The following PAPSS2 variants were observed in gnomAD, a reference collection of about 807,000 sequenced individuals.
PAPSS2 encodes bifunctional 3'-phosphoadenosine 5'-phosphosulfate synthase 2.
Under a neutral mutation model 66.5 loss-of-function variants are expected in PAPSS2, and 61 were observed. The observed-to-expected ratio is 0.92, with a 90% CI of 0.75 to 1.14. PAPSS2 has a LOEUF of 1.14. PAPSS2 is among the 50% of genes most tolerant of loss of function. PAPSS2 has a pLI of 0.00. For missense variants in PAPSS2, 708 were observed against 789.6 expected, an observed-to-expected ratio of 0.90 and a Z score of 1.24; for synonymous variants, 289 against 287.5, an observed-to-expected ratio of 1.01 and a Z score of -0.05.
At chr10:87,707,288 T>C (rs1853402959) in intron 1 of PAPSS2, among the ~76,000 whole-genome samples, 1 of 152,196 alleles carries the variant, frequency 6.6e-6, no homozygotes, top group Non-Finnish European at 1.5e-5. Flanking sequence ...AATTGGGCTT[T>C]CCTAATTTGA....
Position 87,659,931 on chromosome 10 carries a change from C to T in PAPSS2, c.-51C>T, listed in dbSNP as rs756184515. On this transcript the variant is annotated 5_prime_UTR_variant, in exon 1 of 13. Coordinates refer to ENST00000456849, the MANE Select transcript of PAPSS2 (RefSeq NM_001015880.2). ...GCCGCCGCCGCCGCCGCCGTCCCTG[C>T]GTCCTTCGGTCTCTGCTCCCGGGAC... is the stretch of plus-strand genomic sequence containing the variant. The T allele has an allele frequency of 6.2e-6, 10 of 1,601,264 alleles. No individual in the cohort carries two copies. The highest frequency in any genetic ancestry group is 1.1e-5 in the South Asian group (1 of 90,258).
At chr10:87,712,787 C>T (rs1853478570) in intron 2 of PAPSS2, among the ~76,000 whole-genome samples, 1 of 152,046 alleles carries the variant, frequency 6.6e-6, no homozygotes, top group Non-Finnish European at 1.5e-5. Flanking sequence ...ATCTTTAAAA[C>T]ACTCTGCAGC....
chr10:87,694,138 C>T (rs1271591389), intron 1 of PAPSS2, among the ~76,000 whole-genome samples: 2 of 152,174 alleles, frequency 1.3e-5, no homozygotes, highest in East Asian at 3.8e-4. Flanking sequence ...GAACTATAAT[C>T]CCACAATTTT....
At chr10:87,685,888 T>G (rs35628516) in intron 1 of PAPSS2, among the ~76,000 whole-genome samples, 1 of 151,852 alleles carries the variant, frequency 6.6e-6, no homozygotes, top group East Asian at 1.9e-4. Flanking sequence ...ATTCTGCGGT[T>G]CAAATTGTGG....
chr10:87,697,497 T>C (rs1046227298), intron 1 of PAPSS2, among the ~76,000 whole-genome samples: 5 of 151,796 alleles, frequency 3.3e-5, no homozygotes, highest in Admixed American at 6.6e-5. Context: ...GCTCTGGGAG[T>C]GAGGAGCTGT....
intron 1 of PAPSS2, among the ~76,000 whole-genome samples, chr10:87,692,821 C>T (rs1417648500): frequency 2.0e-5 from 3 of 152,238 alleles, no homozygotes; most frequent in African/African-American, 4.8e-5. Context: ...GAGGGTAGCC[C>T]GCGAGGTTGA....
At chr10:87,687,095 A>C (rs939688386) in intron 1 of PAPSS2, among the ~76,000 whole-genome samples, 1 of 152,212 alleles carries the variant, frequency 6.6e-6, no homozygotes, top group African/African-American at 2.4e-5. Context: ...TATTTTCAGC[A>C]CAATTTCAAC....
Position 87,713,312 on chromosome 10 carries a change from T to TAAAAAAAAAAAAAAAAAAAAAAGAAAAAA in PAPSS2, c.381+25_381+26insAAAAAAAAAAAAAAAAAAAAAAAAAAAAG, listed in dbSNP as rs1853488593. On this transcript the variant is annotated splice_region_variant and intron_variant, in intron 3 of 12. Transcript: ENST00000456849. ...AGCTTTATTTCTCCATTCGCAAAGG[T>TAAAAAAAAAAAAAAAAAAAAAAGAAAAAA]AAAAAAAAAAAAAAAAAAAAAAGGC... 2.5e-6 allele frequency: 1 copy of TAAAAAAAAAAAAAAAAAAAAAAGAAAAAA among 401,198 alleles called. No homozygotes were observed. Among genetic ancestry groups the TAAAAAAAAAAAAAAAAAAAAAAGAAAAAA allele is most frequent in the South Asian group, 3.8e-5 (1 of 26,130 alleles). The allele number at this position is 401,198 out of a possible 1,614,324, so 24.9% of individuals were successfully genotyped here.
rs1442413660 is a variant in PAPSS2, at chr10:87,741,334, C to A, written c.1186C>A (p.Leu396Met). 6.2e-7 allele frequency: 1 copy of A among 1,613,796 alleles called. No homozygotes were observed. Among genetic ancestry groups the A allele is most frequent in the South Asian group, 1.1e-5 (1 of 91,082 alleles). Residue 396 changes from leucine (L) to methionine (M), a missense_variant, in exon 10 of 13, where the codon CTG becomes ATG. Leu to Met is a conservative substitution (Grantham distance 15). Transcript: ENST00000456849. ...GCTGGACCAATACCGTCTGACACCT[C>A]TGGAGCTCAAACAGAAATGTAAAGA... ...DGLDQYRLTP[L>M]ELKQKCKEMN...
chr10:87,665,273 G>A (rs1257628662), intron 1 of PAPSS2, among the ~76,000 whole-genome samples: 1 of 151,550 alleles, frequency 6.6e-6, no homozygotes, highest in East Asian at 1.9e-4. Context: ...GTGCAGTGGC[G>A]TGATCTCAGC....
At chr10:87,729,311 A>G (rs536798353) in intron 9 of PAPSS2, among the ~76,000 whole-genome samples, 2 of 151,130 alleles carry the variant, frequency 1.3e-5, no homozygotes, top group Admixed American at 1.3e-4. Flanking sequence ...TTTTCCCAGC[A>G]GCGTGTGCTC....
At chr10:87,730,614 T>A (rs963724915) in intron 9 of PAPSS2, among the ~76,000 whole-genome samples, 1 of 152,226 alleles carries the variant, frequency 6.6e-6, no homozygotes, top group African/African-American at 2.4e-5. Flanking sequence ...GATTTTTAGC[T>A]ATTTTTGTAT....
At chr10:87,691,889 A>G (rs1234171092) in intron 1 of PAPSS2, among the ~76,000 whole-genome samples, 1 of 152,168 alleles carries the variant, frequency 6.6e-6, no homozygotes, top group Admixed American at 6.5e-5. Flanking sequence ...TCAGTGAGCC[A>G]TGAACATGCC....
intron 1 of PAPSS2, among the ~76,000 whole-genome samples, chr10:87,689,354 A>C (rs1853135236): frequency 1.3e-5 from 2 of 150,862 alleles, no homozygotes; most frequent in Admixed American, 6.6e-5. Flanking sequence ...AAAAAAAAAA[A>C]ACAAAAAAAA....
Position 87,730,850 on chromosome 10 carries a change from C to T in PAPSS2, c.1086+3361C>T, listed in dbSNP as rs117071254. Among the ~76,000 whole-genome samples the T allele has an allele frequency of 3.4e-3, 510 of 152,216 alleles. 1 individual carries two copies. The highest frequency in any genetic ancestry group is 4.4e-3 in the Admixed American group (67 of 15,284). On this transcript the variant is annotated intron_variant, in intron 9 of 12. Transcript: ENST00000456849. The stretch of plus-strand genomic sequence containing the variant: ...AAAGCTGCAGAAGAAAAGTTGGAAG[C>T]TAGCAGAGGTTGGTTCAAGGGGTTT...
chr10:87,711,851 T>C (rs1853465787), intron 2 of PAPSS2, among the ~76,000 whole-genome samples: 1 of 152,114 alleles, frequency 6.6e-6, no homozygotes, highest in South Asian at 2.1e-4. Context: ...TTGGCTTTTT[T>C]CCTCTGTCAT....
intron 2 of PAPSS2, 119 bp from the exon 3 acceptor site, chr10:87,712,956 C>A (rs947984729): frequency 8.8e-6 from 6 of 682,698 alleles, no homozygotes; most frequent in African/African-American, 2.0e-5. Flanking sequence ...ACACTGATTT[C>A]TTTCTTTCTT....
At position 87,659,973 on chromosome 10, in the gene PAPSS2, C is replaced by G; in HGVS notation, c.-9C>G. 6.2e-7 allele frequency: 1 copy of G among 1,613,018 alleles called. No individual in the cohort carries two copies. The highest frequency in any genetic ancestry group is 8.5e-7 in the Non-Finnish European group (1 of 1,179,652). ...TCCCGGGACCCGGGCTCCGCCGCAG[C>G]CAGCCAGCATGTCGGGGATCAAGAA... is the stretch of plus-strand genomic sequence containing the variant. On this transcript the variant is annotated 5_prime_UTR_variant, in exon 1 of 13. Transcript: ENST00000456849.
intron 9 of PAPSS2, among the ~76,000 whole-genome samples, chr10:87,730,135 T>C (rs963565905): frequency 1.3e-5 from 2 of 152,186 alleles, no homozygotes; most frequent in Non-Finnish European, 2.9e-5. Context: ...TTATTGCCAA[T>C]GTAGGGGTCA....
Sources: allele counts gnomAD v4.1 joint callset (sites outside exome capture counted in the v4.1 genomes callset), GRCh38; gene constraint gnomAD v4.1.1; transcripts MANE v1.5; gene names NCBI Gene and HGNC (gene_info 2026-07-23, HGNC 2026-07-21).